Variants in PCDHGB5 observed in about 807,000 individuals in gnomAD.
The protein encoded by PCDHGB5 is protocadherin gamma subfamily B, 5.
Under a neutral mutation model 62.9 loss-of-function variants are expected in PCDHGB5, and 48 were observed. That is an observed-to-expected ratio of 0.76 (90% confidence interval 0.61 to 0.97). The LOEUF (loss-of-function observed/expected upper bound fraction) is 0.97, where lower values mean the gene tolerates loss of function less well. Ranked by LOEUF, PCDHGB5 falls within the 50% of genes least tolerant of loss-of-function variation. The pLI is 0.00. For missense variants in PCDHGB5, 1,118 were observed against 1,198.6 expected, an observed-to-expected ratio of 0.93 and a Z score of 0.99; for synonymous variants, 474 against 511.2, an observed-to-expected ratio of 0.93 and a Z score of 0.98.
At chr5:141,475,217 A>G (rs1053906682) in intron 1 of PCDHGB5, among the ~76,000 whole-genome samples, 4 of 152,196 alleles carry the variant, frequency 2.6e-5, no homozygotes, top group Non-Finnish European at 5.9e-5. Flanking sequence ...AGGATTGATC[A>G]AGTAAAGGGA....
intron 1 of PCDHGB5, among the ~76,000 whole-genome samples, chr5:141,452,114 A>C (rs1443131264): frequency 1.3e-5 from 2 of 152,098 alleles, no homozygotes; most frequent in Admixed American, 1.3e-4. Flanking sequence ...TTCTCTTCTT[A>C]TTTATTCATA....
rs2099883697 is a variant in PCDHGB5, at chr5:141,511,284, G to T, written c.*111G>T. On this transcript the variant is annotated 3_prime_UTR_variant, in exon 4 of 4. Coordinates refer to ENST00000617380, the MANE Select transcript of PCDHGB5 (RefSeq NM_018925.3). ...AGGGCTAACCCCCAGAATACTGGTA[G>T]GGGCCAAGGCCATGCTCCCCTTGGG... 6.5e-7 allele frequency: 1 copy of T among 1,528,258 alleles called. No homozygotes were observed. Among genetic ancestry groups the T allele is most frequent in the African/African-American group, 1.4e-5 (1 of 72,674 alleles). 94.7% of individuals were successfully genotyped at this position (1,528,258 alleles called of 1,614,324 possible). A position where few individuals can be genotyped will look rare whatever the true frequency, so the allele number is the denominator to read the frequency against.
chr5:141,508,550 G>T (rs1440375100), intron 3 of PCDHGB5, among the ~76,000 whole-genome samples: 3 of 152,138 alleles, frequency 2.0e-5, no homozygotes, highest in Non-Finnish European at 1.5e-5. Flanking sequence ...GGTGGGCGGG[G>T]GATGGCTTTG....
rs1206206519 is a variant in PCDHGB5 at position 141,432,127 on chromosome 5, C to G, written c.2397+31603C>G. ...ACCCGCCGGTCTTCCCTCAGGCCTC[C>G]TATTCCGCTTATATCCCAGAGAACA... On this transcript the variant is annotated intron_variant, in intron 1 of 3. Coordinates refer to ENST00000617380, the MANE Select transcript of PCDHGB5 (RefSeq NM_018925.3). The surrounding 1 kb of genome is among the most constrained non-coding windows in gnomAD (Gnocchi z 6.0). The G allele has an allele frequency of 6.8e-6, 11 of 1,614,160 alleles. No homozygotes were observed. The highest frequency in any genetic ancestry group is 8.5e-6 in the Non-Finnish European group (10 of 1,180,032).
At chr5:141,505,151 G>T (rs2099844154) in intron 2 of PCDHGB5, among the ~76,000 whole-genome samples, 1 of 152,164 alleles carries the variant, frequency 6.6e-6, no homozygotes, top group Non-Finnish European at 1.5e-5. Context: ...GACAGAGTAA[G>T]ACCCTGTCTA....
chr5:141,400,728 T>C, intron 1 of PCDHGB5: 1 of 648,188 alleles, frequency 1.5e-6, no homozygotes. Context: ...ATTTACAAAG[T>C]AGTGAGAGTT....
chr5:141,441,057 A>T (rs2098222263), intron 1 of PCDHGB5: 2 of 152,152 alleles, frequency 1.3e-5, no homozygotes, highest in South Asian at 4.1e-4. Flanking sequence ...ACTTTTAAAG[A>T]TTTTTAATTT....
chr5:141,410,980 A>G (rs2095454359), intron 1 of PCDHGB5: 1 of 175,670 alleles, frequency 5.7e-6, no homozygotes, highest in South Asian at 1.4e-4. Context: ...CAGCCTCCCA[A>G]GTAGCTGGGA....
intron 1 of PCDHGB5, among the ~76,000 whole-genome samples, chr5:141,454,980 T>A (rs1049733405): frequency 9.3e-5 from 14 of 151,310 alleles, no homozygotes; most frequent in African/African-American, 2.4e-4. Context: ...GCTAATTTTT[T>A]AAAAAATATT....
At chr5:141,474,212 C>T (rs892802269) in intron 1 of PCDHGB5, among the ~76,000 whole-genome samples, 5 of 152,078 alleles carry the variant, frequency 3.3e-5, no homozygotes, top group African/African-American at 1.2e-4. Flanking sequence ...TTTCAAAAAC[C>T]AGATTGTGAA....
chr5:141,506,228 A>T (rs538354130), intron 3 of PCDHGB5, among the ~76,000 whole-genome samples: 1 of 152,266 alleles, frequency 6.6e-6, no homozygotes, highest in East Asian at 1.9e-4. Context: ...AGGCAGGAGG[A>T]TCATGAGGTC....
chr5:141,473,004 AAAAG>A (rs1215989598), intron 1 of PCDHGB5, among the ~76,000 whole-genome samples: 5 of 151,730 alleles, frequency 3.3e-5, no homozygotes, highest in Non-Finnish European at 7.4e-5. Context: ...AAAAGAAAGA[AAAAG>A]AAAAAGAAAG....
chr5:141,503,367 C>T (rs1038565489), intron 2 of PCDHGB5, among the ~76,000 whole-genome samples: 5 of 151,908 alleles, frequency 3.3e-5, no homozygotes, highest in African/African-American at 9.7e-5. Flanking sequence ...GAAGCGGAGG[C>T]AGGTGGATCA....
chr5:141,427,193 C>T (rs1427995075), intron 1 of PCDHGB5: 1 of 456,496 alleles, frequency 2.2e-6, no homozygotes, highest in Admixed American at 2.4e-5. Context: ...AATCCAAAGA[C>T]TTAATAGACT....
rs2099750571 is a variant in PCDHGB5, at chr5:141,493,878, T to A, written c.2398-929T>A. On this transcript the variant is annotated intron_variant, in intron 1 of 3. Coordinates refer to ENST00000617380, the MANE Select transcript of PCDHGB5 (RefSeq NM_018925.3). This position sits in a 1 kb window ranked among gnomAD's most constrained non-coding sequence, Gnocchi z 4.3. ...GCCCACCCCAGAACCAGTGAGGAGG[T>A]GGCTCTAGGAGTGCTCCATGAGAGT... is the stretch of plus-strand genomic sequence containing the variant. 6.6e-6 allele frequency among the ~76,000 whole-genome samples: 1 copy of A among 152,072 alleles called. No homozygotes were observed. The highest frequency in any genetic ancestry group is 6.6e-5 in the Admixed American group (1 of 15,264).
Position 141,477,143 on chromosome 5 carries a change from G to A in PCDHGB5, c.2398-17664G>A. Reference sequence around the variant, plus strand: ...ACATTGCAAAGTGTTGGTGGAGGTTGTGGATGTGAATGACAACGCCCCGGA... The same window carrying A: ...ACATTGCAAAGTGTTGGTGGAGGTTATGGATGTGAATGACAACGCCCCGGA... On this transcript the variant is annotated intron_variant, in intron 1 of 3. Transcript: ENST00000617380. This position sits in a 1 kb window ranked among gnomAD's most constrained non-coding sequence, Gnocchi z 4.9. 6.2e-7 allele frequency: 1 copy of A among 1,614,198 alleles called. No individual in the cohort carries two copies. Among genetic ancestry groups the A allele is most frequent in the Non-Finnish European group, 8.5e-7 (1 of 1,180,036 alleles).
intron 1 of PCDHGB5, among the ~76,000 whole-genome samples, chr5:141,461,764 C>T (rs1005862192): frequency 6.6e-6 from 1 of 152,118 alleles, no homozygotes; most frequent in East Asian, 1.9e-4. Context: ...AGCGATTCTC[C>T]TGCCTCAGCC....
Position 141,431,474 on chromosome 5 carries a change from G to C in PCDHGB5, c.2397+30950G>C. On this transcript the variant is annotated intron_variant, in intron 1 of 3. Coordinates refer to ENST00000617380, the MANE Select transcript of PCDHGB5 (RefSeq NM_018925.3). The surrounding 1 kb of genome is among the most constrained non-coding windows in gnomAD (Gnocchi z 4.8). The stretch of plus-strand genomic sequence containing the variant: ...GATGGTTCTGGATGCGAACGACAAC[G>C]CACCAGCGTTTGCTCAGCCCGAGTA... 6.2e-7 allele frequency: 1 copy of C among 1,613,842 alleles called. No individual in the cohort carries two copies. The highest frequency in any genetic ancestry group is 8.5e-7 in the Non-Finnish European group (1 of 1,179,958).
intron 1 of PCDHGB5, among the ~76,000 whole-genome samples, chr5:141,459,014 T>G (rs1429233660): frequency 6.6e-6 from 1 of 152,240 alleles, no homozygotes; most frequent in Non-Finnish European, 1.5e-5. Flanking sequence ...ATTACAGGCA[T>G]GAGCCACCAC....
Sources: gnomAD v4.1 joint callset for allele counts (sites outside exome capture counted in the v4.1 genomes callset) on GRCh38, gnomAD v4.1.1 for gene constraint, Gnocchi (gnomAD v3.1) non-coding constraint, MANE v1.5 for transcripts, NCBI Gene and HGNC (gene_info 2026-07-23, HGNC 2026-07-21) for gene names.